The following ENPP2 variants were observed in gnomAD, a reference collection of about 807,000 sequenced individuals.
The protein encoded by ENPP2 is ectonucleotide pyrophosphatase/phosphodiesterase 2.
In ENPP2, 51 loss-of-function variants were observed where a neutral mutation model predicts 120.2. That is an observed-to-expected ratio of 0.42 (90% CI 0.34 to 0.54). ENPP2 has a LOEUF of 0.54. Ranked by LOEUF, ENPP2 falls within the 20% of genes least tolerant of loss-of-function variation. The pLI is 0.04. For missense variants in ENPP2, 920 were observed against 1,066.5 expected, an observed-to-expected ratio of 0.86 and a Z score of 1.91; for synonymous variants, 365 against 366.4, an observed-to-expected ratio of 1.00 and a Z score of 0.04.
chr8:119,671,152 T>G (rs1037011743), intron 1 of ENPP2, among the ~76,000 whole-genome samples: 4 of 87,708 alleles, frequency 4.6e-5, no homozygotes, highest in African/African-American at 1.7e-4. Context: ...AAAAAAAAAA[T>G]TAGCCTGGCA....
intron 8 of ENPP2, among the ~76,000 whole-genome samples, chr8:119,608,977 C>G (rs1814912008): frequency 6.6e-6 from 1 of 152,182 alleles, no homozygotes; most frequent in African/African-American, 2.4e-5. Context: ...GAAACCCCCT[C>G]ACTTAAAGAA....
intron 9 of ENPP2, among the ~76,000 whole-genome samples, chr8:119,604,868 G>A (rs180896137): frequency 1.2e-4 from 18 of 152,104 alleles, no homozygotes; most frequent in Admixed American, 1.2e-3. Context: ...CCGCCTCCTG[G>A]GTTCACACCA....
At chr8:119,659,245 A>C (rs1275919648) in intron 1 of ENPP2, among the ~76,000 whole-genome samples, 1 of 149,830 alleles carries the variant, frequency 6.7e-6, no homozygotes, top group African/African-American at 2.5e-5. Context: ...TGTACCTAGG[A>C]GAGGGAGGTT....
intron 22 of ENPP2, among the ~76,000 whole-genome samples, chr8:119,565,431 C>A (rs1814337134): frequency 6.6e-6 from 1 of 152,144 alleles, no homozygotes; most frequent in South Asian, 2.1e-4. Context: ...GACATGTTAT[C>A]CAACCACCTA....
intron 9 of ENPP2, among the ~76,000 whole-genome samples, chr8:119,605,098 G>T (rs1034949590): frequency 5.9e-5 from 9 of 151,978 alleles, no homozygotes; most frequent in Admixed American, 4.6e-4. Context: ...TTGAGACAGG[G>T]TCTCACTCTG....
intron 11 of ENPP2, among the ~76,000 whole-genome samples, chr8:119,597,042 G>A (rs115449234): frequency 2.0e-5 from 3 of 152,068 alleles, no homozygotes; most frequent in South Asian, 2.1e-4. Context: ...AGGAAGGGGC[G>A]GGAGGAGGAA....
At chr8:119,645,277 A>G (rs1817409667) in intron 1 of ENPP2, among the ~76,000 whole-genome samples, 2 of 152,048 alleles carry the variant, frequency 1.3e-5, no homozygotes, top group South Asian at 4.2e-4. Flanking sequence ...CACGTCCAAA[A>G]CGCAGCTACC....
chr8:119,667,127 G>A (rs1290115229), intron 1 of ENPP2, among the ~76,000 whole-genome samples: 1 of 152,166 alleles, frequency 6.6e-6, no homozygotes, highest in Admixed American at 6.5e-5. Context: ...ACCATACCAG[G>A]AAACCAGGAC....
At chr8:119,565,889 C>T (rs767919600) in intron 22 of ENPP2, among the ~76,000 whole-genome samples, 2 of 152,128 alleles carry the variant, frequency 1.3e-5, no homozygotes, top group Non-Finnish European at 2.9e-5. Flanking sequence ...TGCACACACA[C>T]ACACACACCA....
At chr8:119,617,014 T>C (rs906600309) in intron 7 of ENPP2, 150 bp downstream of exon 7, 2 of 614,308 alleles carry the variant, frequency 3.3e-6, no homozygotes, top group Non-Finnish European at 5.8e-6. Flanking sequence ...AAAAGGCATT[T>C]GCTGTGAACA....
intron 1 of ENPP2, among the ~76,000 whole-genome samples, chr8:119,660,149 A>T (rs1817879761): frequency 6.6e-6 from 1 of 152,212 alleles, no homozygotes; most frequent in African/African-American, 2.4e-5. Flanking sequence ...ACAACCAGCC[A>T]CAGGAGATGC....
At chr8:119,582,630 G>C in intron 17 of ENPP2, 28 bp from the exon 18 acceptor site, 1 of 1,523,206 alleles carries the variant, frequency 6.6e-7, no homozygotes. Context: ...AAGGAGGCAG[G>C]TGCTTCTTAT....
intron 1 of ENPP2, among the ~76,000 whole-genome samples, chr8:119,667,608 T>C (rs1041781579): frequency 1.6e-4 from 25 of 152,238 alleles, no homozygotes; most frequent in African/African-American, 5.5e-4. Flanking sequence ...TAATTCACTT[T>C]TGAATTAATC....
At chr8:119,655,695 T>C (rs576510958) in intron 1 of ENPP2, among the ~76,000 whole-genome samples, 2 of 152,336 alleles carry the variant, frequency 1.3e-5, no homozygotes, top group Admixed American at 1.3e-4. Flanking sequence ...TACTGAATTC[T>C]CTCAACAGTC....
At chr8:119,617,111 A>C (rs1416118471) in intron 7 of ENPP2, 53 bp downstream of exon 7, 1 of 1,114,524 alleles carries the variant, frequency 9.0e-7, no homozygotes. Context: ...CTTTAAAGTC[A>C]TTCCAGGATG....
intron 22 of ENPP2, among the ~76,000 whole-genome samples, chr8:119,565,717 T>TA (rs35109858): frequency 0.34 from 51,054 of 151,976 alleles, 9,028 homozygotes; most frequent in African/African-American, 0.41. Flanking sequence ...TGGTCTAACT[T>TA]ACCATCCTCT....
intron 8 of ENPP2, among the ~76,000 whole-genome samples, chr8:119,614,036 T>C (rs1179278486): frequency 6.6e-6 from 1 of 151,862 alleles, no homozygotes; most frequent in Non-Finnish European, 1.5e-5. Context: ...TGTTTTTAAA[T>C]TGTAGTTACT....
chr8:119,557,854 T>C (rs1352184836), intron 24 of ENPP2, among the ~76,000 whole-genome samples, 163 bp from the exon 25 acceptor site: 1 of 152,188 alleles, frequency 6.6e-6, no homozygotes, highest in African/African-American at 2.4e-5. Flanking sequence ...CGCATTCCTA[T>C]GGGTAATGTG....
chr8:119,626,634 G>A lies in ENPP2; in HGVS notation c.223C>T (p.Arg75Cys), dbSNP rs767398774. 2.0e-5 allele frequency: 32 copies of A among 1,614,006 alleles called. No individual in the cohort carries two copies. In the Middle Eastern group the frequency reaches 1.8e-3, roughly 92 times the overall value. The stretch of plus-strand genomic sequence containing the variant: ...TAGCTCTTACACAAGTTGTCACAGC[G>A]ACAATCAGGAGGTCCAGCCTCTTGA... ...ELQEAGPPDC[R>C]CDNLCKSYTS... The change falls in exon 3 of 25, where the codon CGC (arginine) becomes TGC (cysteine). Residue 75 changes from arginine (R) to cysteine (C), a missense_variant. Arg to Cys is a radical substitution (Grantham distance 180, BLOSUM62 -3). Transcript: ENST00000075322.
Sources: allele counts gnomAD v4.1 joint callset (sites outside exome capture counted in the v4.1 genomes callset), GRCh38; gene constraint gnomAD v4.1.1; transcripts MANE v1.5; gene names NCBI Gene and HGNC (gene_info 2026-07-23, HGNC 2026-07-21).